The following PBX1 variants were observed in gnomAD, a reference collection of about 807,000 sequenced individuals.
PBX1 encodes PBX homeobox 1.
In PBX1, 6 loss-of-function variants were observed where a neutral mutation model predicts 53.4. The observed-to-expected ratio is 0.11, with a 90% CI of 0.06 to 0.22. The LOEUF (loss-of-function observed/expected upper bound fraction) is 0.22, where lower values mean the gene tolerates loss of function less well. Among genes scored for constraint, PBX1 ranks in the 10% least tolerant of loss-of-function variants. The pLI is 1.00. For synonymous variants in PBX1, 204 were observed against 212.3 expected, an observed-to-expected ratio of 0.96 and a Z score of 0.34; for missense variants, 251 against 551.4, an observed-to-expected ratio of 0.46 and a Z score of 5.46.
chr1:164,774,248 G>A (rs1445215745), intron 2 of PBX1, among the ~76,000 whole-genome samples: 1 of 152,118 alleles, frequency 6.6e-6, no homozygotes, highest in East Asian at 1.9e-4. Context: ...AAATTCAAAA[G>A]TCATAGTGCC....
chr1:164,860,512 T>C (rs1470910937), intron 2 of PBX1, among the ~76,000 whole-genome samples: 1 of 152,188 alleles, frequency 6.6e-6, no homozygotes, highest in Non-Finnish European at 1.5e-5. Flanking sequence ...TCCAAGCTTA[T>C]TTCTTTCTTT....
intron 2 of PBX1, among the ~76,000 whole-genome samples, chr1:164,882,430 C>T (rs760458824): frequency 2.8e-4 from 42 of 152,238 alleles, no homozygotes; most frequent in Non-Finnish European, 3.5e-4. Context: ...TGTGAGAAAA[C>T]AAGTGAAATT....
intron 2 of PBX1, among the ~76,000 whole-genome samples, chr1:164,678,682 A>T (rs1398551770): frequency 1.3e-5 from 2 of 152,222 alleles, no homozygotes; most frequent in Non-Finnish European, 2.9e-5. Context: ...GTACACTTAT[A>T]TAATTATCTC....
At chr1:164,866,311 C>A (rs1447293663) in intron 2 of PBX1, among the ~76,000 whole-genome samples, 2 of 152,260 alleles carry the variant, frequency 1.3e-5, no homozygotes, top group Admixed American at 1.3e-4. Context: ...AGCTCTTCAT[C>A]TGCCAGTGGG....
intron 2 of PBX1, among the ~76,000 whole-genome samples, chr1:164,720,802 A>G (rs1339682821): frequency 6.6e-6 from 1 of 152,210 alleles, no homozygotes; most frequent in Non-Finnish European, 1.5e-5. Flanking sequence ...TTAAGGTAAC[A>G]GAGGTGTCCA....
At chr1:164,769,704 TA>T (rs1294385052) in intron 2 of PBX1, among the ~76,000 whole-genome samples, 1 of 152,158 alleles carries the variant, frequency 6.6e-6, no homozygotes, top group East Asian at 1.9e-4. Context: ...GAATAACTTA[TA>T]TATAAGTGAT....
At chr1:164,813,588 T>A (rs978242487) in intron 6 of PBX1, 6 of 152,220 alleles carry the variant, frequency 3.9e-5, no homozygotes, top group African/African-American at 1.4e-4. Context: ...ACATTTTCAC[T>A]TGTCTCTTTG....
intron 2 of PBX1, chr1:164,680,771 A>G (rs552646292): frequency 6.6e-6 from 1 of 152,362 alleles, no homozygotes; most frequent in Middle Eastern, 3.4e-3. Flanking sequence ...CACAATGTAG[A>G]ATAAATCTAT....
intron 2 of PBX1, among the ~76,000 whole-genome samples, chr1:164,589,001 C>T (rs939317857): frequency 6.6e-6 from 1 of 152,154 alleles, no homozygotes; most frequent in Admixed American, 6.5e-5. Context: ...CCCTCCTCCC[C>T]AGCCCCCTCC....
intron 2 of PBX1, chr1:164,590,259 T>C: frequency 2.3e-6 from 1 of 441,308 alleles, no homozygotes; most frequent in South Asian, 1.6e-5. Flanking sequence ...AGAAATACCT[T>C]GGCCAGCGCA....
In PBX1 at chr1:164,798,892, A is replaced by T. The variant is rs1668917305; in HGVS notation, c.511-807A>T. 1.3e-5 allele frequency among the ~76,000 whole-genome samples: 2 copies of T among 152,242 alleles called. 1 individual carries two copies. The highest frequency in any genetic ancestry group is 4.1e-4 in the South Asian group (2 of 4,832). ...TAAAACTTGAAACAGAAATAGGTGG[A>T]TGAGAAATCTCCCAGAAGAGTTATC... On this transcript the variant is annotated intron_variant, in intron 3 of 8. Transcript: ENST00000420696.
intron 2 of PBX1, among the ~76,000 whole-genome samples, chr1:164,598,660 T>C (rs1655936995): frequency 2.0e-5 from 3 of 152,344 alleles, no homozygotes; most frequent in South Asian, 4.1e-4. Context: ...TTGGTTCTTA[T>C]CCTTTCTGAG....
intron 2 of PBX1, among the ~76,000 whole-genome samples, chr1:164,566,019 G>C (rs2101696431): frequency 6.6e-6 from 1 of 152,240 alleles, no homozygotes; most frequent in South Asian, 2.1e-4. Context: ...CAGAACTCTT[G>C]AGAGGAACTT....
intron 8 of PBX1, among the ~76,000 whole-genome samples, chr1:164,833,089 C>CT (rs1369300338): frequency 6.6e-6 from 1 of 151,936 alleles, no homozygotes; most frequent in Non-Finnish European, 1.5e-5. Context: ...ACATTAACTT[C>CT]TTTAATTCAA....
intron 2 of PBX1, among the ~76,000 whole-genome samples, chr1:164,874,325 G>A (rs1338697092): frequency 6.6e-6 from 1 of 152,190 alleles, no homozygotes; most frequent in African/African-American, 2.4e-5. Flanking sequence ...TCTCTCTGCT[G>A]TGAGATCCTC....
chr1:164,770,338 G>A (rs959281755), intron 2 of PBX1: 6 of 152,106 alleles, frequency 3.9e-5, no homozygotes, highest in African/African-American at 1.4e-4. Flanking sequence ...TGAAAACTAG[G>A]GCTCTTTTCA....
chr1:164,866,079 G>A (rs539002386), intron 2 of PBX1, among the ~76,000 whole-genome samples: 37 of 152,240 alleles, frequency 2.4e-4, no homozygotes, highest in African/African-American at 7.9e-4. Flanking sequence ...CTTCCAGTTC[G>A]TACACCAGCC....
At chr1:164,875,988 G>GTATATATATATATA (rs369277110) in intron 2 of PBX1, among the ~76,000 whole-genome samples, 2,230 of 56,588 alleles carry the variant, frequency 0.039, 273 homozygotes, top group Non-Finnish European at 0.075. Flanking sequence ...TGGTGTATGT[G>GTATATATATATATA]TATATATATA....
At chr1:164,820,397 C>T (rs534928596) in intron 7 of PBX1, among the ~76,000 whole-genome samples, 1 of 152,256 alleles carries the variant, frequency 6.6e-6, no homozygotes, top group South Asian at 2.1e-4. Context: ...TTCAGTTGTA[C>T]TTGGAAGGCA....
Sources: gnomAD v4.1 joint callset for allele counts (sites outside exome capture counted in the v4.1 genomes callset) on GRCh38, gnomAD v4.1.1 for gene constraint, MANE v1.5 for transcripts, NCBI Gene and HGNC (gene_info 2026-07-23, HGNC 2026-07-21) for gene names.